The following MAP4K4 variants were observed in gnomAD, a reference collection of about 807,000 sequenced individuals.
MAP4K4 encodes the protein HPK/GCK-like kinase HGK.
A neutral mutation model predicts 189.6 loss-of-function variants in MAP4K4; 38 were observed. The observed-to-expected ratio is 0.20, with a 90% CI of 0.15 to 0.26. MAP4K4 has a LOEUF of 0.26. MAP4K4 is among the 10% of genes least tolerant of loss of function. The pLI is 1.00. For synonymous variants in MAP4K4, 610 were observed against 624.3 expected (o/e 0.98, Z 0.34); for missense variants, 1,054 against 1,726.9 (o/e 0.61, Z 6.91).
intron 3 of MAP4K4, among the ~76,000 whole-genome samples, chr2:101,816,193 C>A (rs1412973301): frequency 6.6e-6 from 1 of 152,178 alleles, no homozygotes; most frequent in Admixed American, 6.5e-5. Flanking sequence ...CTCTTCTAAG[C>A]GCTTTCGTAT....
chr2:101,807,765 A>G (rs1343706934), intron 3 of MAP4K4, among the ~76,000 whole-genome samples: 2 of 151,888 alleles, frequency 1.3e-5, no homozygotes, highest in Non-Finnish European at 2.9e-5. Flanking sequence ...AGAGAAAGAA[A>G]GAGTGGGGGA....
At chr2:101,735,240 G>A (rs180843426) in intron 2 of MAP4K4, among the ~76,000 whole-genome samples, 12 of 152,226 alleles carry the variant, frequency 7.9e-5, no homozygotes, top group Non-Finnish European at 1.6e-4. Flanking sequence ...GGGCAGAAAG[G>A]GGGTGTAGAA....
At chr2:101,800,848 T>C (rs2094295341) in intron 3 of MAP4K4, among the ~76,000 whole-genome samples, 1 of 152,216 alleles carries the variant, frequency 6.6e-6, no homozygotes, top group Non-Finnish European at 1.5e-5. Context: ...TCTTGGTAAA[T>C]TAAAACTTGC....
At chr2:101,876,827 A>G (rs550606790) in intron 26 of MAP4K4, among the ~76,000 whole-genome samples, 176 bp from the exon 27 acceptor site, 2 of 152,300 alleles carry the variant, frequency 1.3e-5, no homozygotes, top group East Asian at 3.9e-4. Context: ...ATGGTGATGT[A>G]TTGCAGGATT....
chr2:101,762,510 A>G (rs2076912138), intron 2 of MAP4K4, among the ~76,000 whole-genome samples: 1 of 152,188 alleles, frequency 6.6e-6, no homozygotes, highest in Non-Finnish European at 1.5e-5. Flanking sequence ...TCATACTCCC[A>G]TTCAACCCTG....
At chr2:101,700,527 C>G (rs2037822090) in intron 2 of MAP4K4, among the ~76,000 whole-genome samples, 1 of 152,182 alleles carries the variant, frequency 6.6e-6, no homozygotes, top group Non-Finnish European at 1.5e-5. Context: ...TAAGCAGTTA[C>G]ATTTTTATAT....
chr2:101,731,416 G>A (rs2058440204), intron 2 of MAP4K4, among the ~76,000 whole-genome samples: 2 of 151,750 alleles, frequency 1.3e-5, no homozygotes, highest in Admixed American at 6.6e-5. Context: ...GCCCCTGGCC[G>A]ACAGTAATTT....
At chr2:101,872,022 A>G (rs577320601) in intron 24 of MAP4K4, among the ~76,000 whole-genome samples, 1 of 152,296 alleles carries the variant, frequency 6.6e-6, no homozygotes, top group African/African-American at 2.4e-5. Context: ...TGAAATTCTT[A>G]TAGTCATTTG....
chr2:101,726,960 G>C (rs2055754249), intron 2 of MAP4K4, among the ~76,000 whole-genome samples: 1 of 152,130 alleles, frequency 6.6e-6, no homozygotes. Context: ...CTGGTGCAGG[G>C]TATCACCTGG....
intron 3 of MAP4K4, among the ~76,000 whole-genome samples, chr2:101,814,765 C>CT (rs2095621140): frequency 6.6e-6 from 1 of 152,030 alleles, no homozygotes; most frequent in Admixed American, 6.6e-5. Flanking sequence ...TTTTATCTTC[C>CT]TTTTTTCTAC....
chr2:101,716,133 A>G (rs938834005), intron 2 of MAP4K4, among the ~76,000 whole-genome samples: 1 of 152,216 alleles, frequency 6.6e-6, no homozygotes, highest in African/African-American at 2.4e-5. Flanking sequence ...TAGCATATTC[A>G]TTAGTATATT....
chr2:101,818,173 C>T (rs1398238168), intron 3 of MAP4K4, among the ~76,000 whole-genome samples: 3 of 152,068 alleles, frequency 2.0e-5, no homozygotes, highest in Admixed American at 1.3e-4. Context: ...TTTTTCTACC[C>T]GTTCACAGTC....
chr2:101,859,593 C>T (rs534472599), intron 14 of MAP4K4, 50 bp from the exon 15 acceptor site: 25 of 1,338,086 alleles, frequency 1.9e-5, no homozygotes, highest in African/African-American at 1.8e-4. Context: ...AGAGAAGAGG[C>T]GAGCTCTCCA....
intron 2 of MAP4K4, among the ~76,000 whole-genome samples, chr2:101,733,990 A>G (rs888382711): frequency 6.6e-6 from 1 of 152,216 alleles, no homozygotes; most frequent in Non-Finnish European, 1.5e-5. Flanking sequence ...CTATCACACT[A>G]TGTGGCACCT....
chr2:101,768,065 T>C (rs866451248), intron 2 of MAP4K4, among the ~76,000 whole-genome samples: 36 of 152,264 alleles, frequency 2.4e-4, no homozygotes, highest in African/African-American at 8.4e-4. Flanking sequence ...CTTATTTGTA[T>C]ACTTCCTTTT....
At chr2:101,870,107 T>C (rs1354495451) in intron 22 of MAP4K4, 188 bp from the exon 23 acceptor site, 3 of 666,510 alleles carry the variant, frequency 4.5e-6, no homozygotes, top group Non-Finnish European at 7.5e-6. Context: ...AAGTTTTTGC[T>C]CAGAAACAAA....
At chr2:101,770,161 A>G (rs2080615831) in intron 2 of MAP4K4, among the ~76,000 whole-genome samples, 1 of 151,030 alleles carries the variant, frequency 6.6e-6, no homozygotes. Context: ...ATTAACATGT[A>G]GTTTTCACCT....
chr2:101,764,966 C>T (rs965393269), intron 2 of MAP4K4, among the ~76,000 whole-genome samples: 3 of 152,098 alleles, frequency 2.0e-5, no homozygotes, highest in Non-Finnish European at 4.4e-5. Flanking sequence ...AATTCCCTTG[C>T]AATACTGTAG....
chr2:101,773,415 T>A (rs1473546675), intron 2 of MAP4K4, among the ~76,000 whole-genome samples: 1 of 152,220 alleles, frequency 6.6e-6, no homozygotes, highest in Non-Finnish European at 1.5e-5. Context: ...ACCCCGCAAT[T>A]GCCTTCAATT....
Sources: allele counts gnomAD v4.1 joint callset (sites outside exome capture counted in the v4.1 genomes callset), GRCh38; gene constraint gnomAD v4.1.1; transcripts MANE v1.5; gene names NCBI Gene and HGNC (gene_info 2026-07-23, HGNC 2026-07-21).